Variants in UNC13C observed in about 807,000 individuals in gnomAD.
The protein encoded by UNC13C is unc-13 homolog C.
A neutral mutation model predicts 245.4 loss-of-function variants in UNC13C; 174 were observed. The ratio of observed to expected loss-of-function variants is 0.71; its 90% confidence interval spans 0.63 to 0.80. UNC13C has a LOEUF of 0.80. Ranked by LOEUF, UNC13C falls within the 30% of genes least tolerant of loss-of-function variation. The pLI is 0.00. For missense variants in UNC13C, 2,829 were observed against 2,602.9 expected (o/e 1.09, Z -1.89); for synonymous variants, 992 against 895.1 (o/e 1.11, Z -1.93).
intron 17 of UNC13C, among the ~76,000 whole-genome samples, chr15:54,359,284 T>C (rs544798386): frequency 1.3e-5 from 2 of 152,144 alleles, no homozygotes; most frequent in African/African-American, 4.8e-5. Context: ...TAGTTTTCTT[T>C]TTTTGTTGTA....
the UNC13C span, among the ~76,000 whole-genome samples, chr15:53,956,733 G>A: frequency 0.033 from 4,982 of 151,806 alleles, 118 homozygotes; most frequent in Middle Eastern, 0.071. Flanking sequence ...GGAATTCTGA[G>A]TAATGCCAAT....
chr15:54,600,575 G>T lies in UNC13C; in HGVS notation c.6107-21752G>T, dbSNP rs1005112854. On this transcript the variant is annotated intron_variant, in intron 30 of 32. Transcript: ENST00000260323. ...ATTGCTAAATGCACAATAATTGTCA[G>T]ATGTGAATACACATTATAATTCACT... Among the ~76,000 whole-genome samples the T allele has an allele frequency of 4.4e-4, 67 of 152,078 alleles. 2 individuals are homozygous for T. Among genetic ancestry groups the T allele is most frequent in the African/African-American group, 1.6e-3 (67 of 41,410 alleles).
In UNC13C at chr15:54,009,547, C is replaced by CTT. The variant is rs368634860; in HGVS notation, c.-256-3100_-256-3099dup. Among the ~76,000 whole-genome samples, 95 of 143,974 alleles carry CTT rather than the reference C, an allele frequency of 6.6e-4. 2 individuals carry two copies. Among genetic ancestry groups the CTT allele is most frequent in the South Asian group, 1.1e-3 (5 of 4,564 alleles). The allele number at this position is 143,974 out of a possible 152,430, so 94.5% of individuals were successfully genotyped here. Reference sequence around the variant, plus strand: ...GGAAAGTAATTTTCTTCTTCTTCTTCTTCTTTTTTTTTTTTGTTGAGATGA... The same window carrying CTT: ...GGAAAGTAATTTTCTTCTTCTTCTTCTTTTCTTTTTTTTTTTTGTTGAGATGA... On this transcript the variant is annotated intron_variant, in intron 1 of 32. Transcript: ENST00000260323.
At chr15:53,988,396 T>A (rs894453794) in intron 1 of UNC13C, among the ~76,000 whole-genome samples, 4 of 151,882 alleles carry the variant, frequency 2.6e-5, no homozygotes, top group Admixed American at 6.6e-5. Flanking sequence ...TTATGGGACA[T>A]AAAAAAATAA....
At chr15:53,967,250 G>A in the UNC13C span, among the ~76,000 whole-genome samples, 2 of 151,800 alleles carry the variant, frequency 1.3e-5, no homozygotes, top group African/African-American at 2.4e-5. Flanking sequence ...TTTTCCTGTA[G>A]CAACTTTGTA....
chr15:54,211,977 G>A (rs578188732), intron 4 of UNC13C, among the ~76,000 whole-genome samples: 12 of 152,024 alleles, frequency 7.9e-5, no homozygotes, highest in African/African-American at 1.9e-4. Context: ...TCACTCCCAC[G>A]ACCCATTTAT....
intron 4 of UNC13C, among the ~76,000 whole-genome samples, chr15:54,221,584 C>G (rs1305622957): frequency 6.6e-6 from 1 of 151,690 alleles, no homozygotes. Flanking sequence ...AAAAGTCTAA[C>G]AGAATAAAGT....
At position 54,264,216 on chromosome 15, in the gene UNC13C, C is replaced by T; in HGVS notation, c.3497C>T (p.Thr1166Ile). ...CATGGTGCCGAAGACAAGACTCAGA[C>T]CATTATTACAGCAATGAAAGAAAGA... The part of the protein sequence containing the change: ...SKHGAEDKTQ[T>I]IITAMKERMK... The change falls in exon 9 of 33, where the codon ACC (threonine) becomes ATC (isoleucine). Residue 1166 changes from threonine to isoleucine, a missense_variant. Thr to Ile is a moderately conservative substitution (Grantham distance 89). Coordinates refer to ENST00000260323, the MANE Select transcript of UNC13C (RefSeq NM_001080534.3). The T allele has an allele frequency of 6.3e-7, 1 of 1,593,526 alleles. No individual in the cohort carries two copies. The highest frequency in any genetic ancestry group is 8.6e-7 in the Non-Finnish European group (1 of 1,169,344).
chr15:54,015,931 C>A, intron 2 of UNC13C, 45 bp downstream of exon 2: 1 of 1,434,316 alleles, frequency 7.0e-7, no homozygotes, highest in Non-Finnish European at 9.3e-7. Flanking sequence ...TGTGTTTTAA[C>A]ATTGGGTAGC....
intron 30 of UNC13C, among the ~76,000 whole-genome samples, chr15:54,574,427 C>T (rs1404224030): frequency 1.3e-5 from 2 of 152,176 alleles, no homozygotes; most frequent in East Asian, 1.9e-4. Context: ...TCTCTAACAA[C>T]TATTTCATGA....
intron 4 of UNC13C, among the ~76,000 whole-genome samples, chr15:54,224,305 T>C (rs759158452): frequency 6.6e-6 from 1 of 152,086 alleles, no homozygotes; most frequent in African/African-American, 2.4e-5. Context: ...TGTTAAGGTA[T>C]GTTCTTTCTG....
At position 54,012,820 on chromosome 15, in the gene UNC13C, T is replaced by G; in HGVS notation, c.-84T>G. ...AGTGATTCACAGAACTTCTGAACAG[T>G]GATGCTTGCCTTGGATTTTCAGGTT... On this transcript the variant is annotated 5_prime_UTR_variant, in exon 2 of 33. It removes the in-frame stop codon of an upstream open reading frame in the 5' UTR. Coordinates refer to ENST00000260323, the MANE Select transcript of UNC13C (RefSeq NM_001080534.3). 1 of 1,088,552 alleles carries G rather than the reference T, an allele frequency of 9.2e-7. No homozygotes were observed. Among genetic ancestry groups the G allele is most frequent in the East Asian group, 2.4e-5 (1 of 42,148 alleles). The allele number at this position is 1,088,552 out of a possible 1,614,324, so 67.4% of individuals were successfully genotyped here. A position where few individuals can be genotyped will look rare whatever the true frequency, so the allele number is the denominator to read the frequency against.
At chr15:53,911,844 C>G in the UNC13C span, 1 of 152,292 alleles carries the variant, frequency 6.6e-6, no homozygotes, top group African/African-American at 2.4e-5. Flanking sequence ...CTTTACCTCC[C>G]CTATGAGGGA....
At chr15:54,076,237 G>A (rs537311899) in intron 2 of UNC13C, among the ~76,000 whole-genome samples, 5 of 147,776 alleles carry the variant, frequency 3.4e-5, no homozygotes, top group African/African-American at 9.9e-5. Context: ...TAGGTATATC[G>A]CCCAATGCTA....
chr15:54,428,784 G>A (rs1488805799), intron 19 of UNC13C, among the ~76,000 whole-genome samples: 4 of 151,538 alleles, frequency 2.6e-5, no homozygotes, highest in Non-Finnish European at 5.9e-5. Context: ...CAGGCAGTGT[G>A]CCCTTTGATC....
intron 16 of UNC13C, among the ~76,000 whole-genome samples, chr15:54,336,873 A>AT: frequency 6.6e-6 from 1 of 152,242 alleles, no homozygotes; most frequent in East Asian, 1.9e-4. Flanking sequence ...CTGTGACCTT[A>AT]TAGCAAATCA....
intron 17 of UNC13C, among the ~76,000 whole-genome samples, chr15:54,362,319 C>G (rs181584342): frequency 1.3e-5 from 2 of 152,292 alleles, no homozygotes; most frequent in East Asian, 3.9e-4. Context: ...TCAGAACCCA[C>G]AGGTCTAGGG....
chr15:54,189,288 G>A (rs2034100668), intron 4 of UNC13C, among the ~76,000 whole-genome samples: 1 of 152,142 alleles, frequency 6.6e-6, no homozygotes, highest in Non-Finnish European at 1.5e-5. Flanking sequence ...ATGAATTGGA[G>A]GATATGGGTG....
intron 26 of UNC13C, among the ~76,000 whole-genome samples, chr15:54,542,401 G>A (rs1896287750): frequency 6.6e-6 from 1 of 151,998 alleles, no homozygotes; most frequent in Non-Finnish European, 1.5e-5. Flanking sequence ...CACTTGCTGA[G>A]GAGTGTTTTA....
Sources: gnomAD v4.1 joint callset for allele counts (sites outside exome capture counted in the v4.1 genomes callset) on GRCh38, gnomAD v4.1.1 for gene constraint, MANE v1.5 for transcripts, NCBI Gene and HGNC (gene_info 2026-07-23, HGNC 2026-07-21) for gene names.